Variants in NYAP2 observed in about 807,000 individuals in gnomAD.
The protein encoded by NYAP2 is neuronal tyrosine-phosphorylated phosphoinositide-3-kinase adaptor 2.
NYAP2 carries 23 observed loss-of-function variants against 50.4 expected under a neutral mutation model. That is an observed-to-expected ratio of 0.46 (90% CI 0.33 to 0.65). The LOEUF (loss-of-function observed/expected upper bound fraction) is 0.65. NYAP2 is among the 30% of genes least tolerant of loss of function. NYAP2 has a pLI of 0.02. For missense variants in NYAP2, 885 were observed against 861.0 expected, an observed-to-expected ratio of 1.03 and a Z score of -0.35; for synonymous variants, 394 against 365.2, an observed-to-expected ratio of 1.08 and a Z score of -0.90.
chr2:225,529,276 G>A (rs1322506264), intron 4 of NYAP2, among the ~76,000 whole-genome samples: 1 of 152,022 alleles, frequency 6.6e-6, no homozygotes, highest in Non-Finnish European at 1.5e-5. Context: ...TCCTCAGAAG[G>A]CACCTCAGAG....
At chr2:225,537,823 C>T (rs1007872090) in intron 4 of NYAP2, among the ~76,000 whole-genome samples, 2 of 152,182 alleles carry the variant, frequency 1.3e-5, no homozygotes, top group African/African-American at 4.8e-5. Context: ...TCCCTTCTGC[C>T]TTTGAGCCTG....
the NYAP2 span, chr2:225,703,250 GT>G: frequency 6.6e-6 from 1 of 151,618 alleles, no homozygotes; most frequent in African/African-American, 2.4e-5. Flanking sequence ...AAAAGACAGG[GT>G]TTTTAAAGAA....
intron 5 of NYAP2, among the ~76,000 whole-genome samples, chr2:225,593,866 A>C (rs1306620127): frequency 6.6e-6 from 1 of 152,228 alleles, no homozygotes; most frequent in Non-Finnish European, 1.5e-5. Flanking sequence ...TCTATGTTTG[A>C]CTTAGAATAT....
At chr2:225,591,474 A>G (rs1559224114) in intron 5 of NYAP2, among the ~76,000 whole-genome samples, 1 of 152,162 alleles carries the variant, frequency 6.6e-6, no homozygotes, top group Non-Finnish European at 1.5e-5. Flanking sequence ...AAGGATGTGG[A>G]AGAAGGCAGC....
intron 5 of NYAP2, among the ~76,000 whole-genome samples, chr2:225,600,803 A>T (rs1294479190): frequency 2.6e-5 from 4 of 152,212 alleles, no homozygotes; most frequent in African/African-American, 9.6e-5. Flanking sequence ...ATGTAAGTGG[A>T]ATTAGACAAT....
intron 3 of NYAP2, among the ~76,000 whole-genome samples, chr2:225,480,769 T>C (rs997188663): frequency 6.6e-6 from 1 of 152,148 alleles, no homozygotes; most frequent in African/African-American, 2.4e-5. Context: ...TACTATGATC[T>C]GAACAATGAG....
chr2:225,624,450 T>TA, intron 5 of NYAP2, among the ~76,000 whole-genome samples: 1 of 152,330 alleles, frequency 6.6e-6, no homozygotes, highest in South Asian at 2.1e-4. Flanking sequence ...GCTAAGTTGT[T>TA]ACTCAAGTCT....
chr2:225,408,931 C>A, exon 3 of NYAP2: 2 of 1,611,710 alleles, frequency 1.2e-6, no homozygotes, highest in Non-Finnish European at 1.7e-6. Flanking sequence ...ACCCTTTGGA[C>A]ACATTTCTCC....
In NYAP2 at chr2:225,630,927, A is replaced by G. The variant is rs77168864; in HGVS notation, c.1828+3801A>G. Among the ~76,000 whole-genome samples, 660 of 152,338 alleles carry G rather than the reference A, an allele frequency of 4.3e-3. 12 individuals carry two copies. The highest frequency in any genetic ancestry group is 0.015 in the African/African-American group (622 of 41,582). On this transcript the variant is annotated intron_variant, in intron 6 of 6. Transcript: ENST00000636099. ...TGTTAAGTTAGAAATGCTCTGGGAC[A>G]TCAAATTGAGAAACCAGTAGATTGT...
the NYAP2 span, among the ~76,000 whole-genome samples, chr2:225,691,701 C>G: frequency 7.2e-5 from 11 of 152,040 alleles, no homozygotes; most frequent in East Asian, 2.1e-3. Context: ...AGGTGACTCG[C>G]GGCCTCCCAT....
At chr2:225,578,098 A>G (rs1692199651) in intron 4 of NYAP2, among the ~76,000 whole-genome samples, 1 of 151,792 alleles carries the variant, frequency 6.6e-6, no homozygotes, top group Non-Finnish European at 1.5e-5. Flanking sequence ...ACGCCTGGCT[A>G]ATTTTTGTAT....
chr2:225,434,835 A>G (rs984246764), intron 3 of NYAP2, among the ~76,000 whole-genome samples: 3 of 152,226 alleles, frequency 2.0e-5, no homozygotes, highest in Non-Finnish European at 4.4e-5. Context: ...TAAAACTGAT[A>G]CAGGTATGTT....
chr2:225,620,543 C>A (rs549147250), intron 5 of NYAP2, among the ~76,000 whole-genome samples: 2 of 152,122 alleles, frequency 1.3e-5, no homozygotes, highest in Non-Finnish European at 2.9e-5. Flanking sequence ...AAATAAAATT[C>A]TCCATAATAC....
At chr2:225,647,831 T>G (rs1229171731) in intron 6 of NYAP2, among the ~76,000 whole-genome samples, 1 of 152,094 alleles carries the variant, frequency 6.6e-6, no homozygotes, top group Non-Finnish European at 1.5e-5. Flanking sequence ...AAAACTACAC[T>G]TTGAACTAGG....
At chr2:225,433,556 G>T (rs1689307848) in intron 3 of NYAP2, among the ~76,000 whole-genome samples, 1 of 151,976 alleles carries the variant, frequency 6.6e-6, no homozygotes, top group African/African-American at 2.4e-5. Context: ...GATATTAAGT[G>T]ATATGTATGT....
At chr2:225,506,309 A>C (rs1559198564) in intron 3 of NYAP2, among the ~76,000 whole-genome samples, 1 of 152,210 alleles carries the variant, frequency 6.6e-6, no homozygotes, top group Non-Finnish European at 1.5e-5. Flanking sequence ...GTGACCAGCC[A>C]TTTGTACTCA....
At chr2:225,625,503 G>A (rs1193432095) in intron 5 of NYAP2, among the ~76,000 whole-genome samples, 2 of 152,158 alleles carry the variant, frequency 1.3e-5, no homozygotes, top group Non-Finnish European at 2.9e-5. Flanking sequence ...GTGAATGGGT[G>A]GGAGGGCTTC....
chr2:225,521,450 C>T (rs959589852), intron 4 of NYAP2, among the ~76,000 whole-genome samples: 5 of 151,804 alleles, frequency 3.3e-5, no homozygotes, highest in Non-Finnish European at 7.4e-5. Flanking sequence ...TACATCCCAT[C>T]AATACCTAAT....
intron 6 of NYAP2, among the ~76,000 whole-genome samples, chr2:225,628,331 T>C (rs1384807475): frequency 6.8e-6 from 1 of 147,454 alleles, no homozygotes; most frequent in Non-Finnish European, 1.5e-5. Context: ...TTTTTTTTTT[T>C]TTTTTTTGAG....
Sources: allele counts gnomAD v4.1 joint callset (sites outside exome capture counted in the v4.1 genomes callset), GRCh38; gene constraint gnomAD v4.1.1; transcripts MANE v1.5; gene names NCBI Gene and HGNC (gene_info 2026-07-23, HGNC 2026-07-21).